Variants in ITPR2 observed in about 807,000 individuals in gnomAD.
The protein encoded by ITPR2 is inositol 1,4,5-trisphosphate-gated calcium channel ITPR2.
Under a neutral mutation model 317.1 loss-of-function variants are expected in ITPR2, and 207 were observed. The observed-to-expected ratio is 0.65, with a 90% confidence interval of 0.58 to 0.73. The LOEUF (loss-of-function observed/expected upper bound fraction) is 0.73. ITPR2 is among the 30% of genes least tolerant of loss of function. The pLI is 0.00. For synonymous variants in ITPR2, 1,156 were observed against 1,149.1 expected (o/e 1.01, Z -0.12); for missense variants, 2,613 against 3,284.0 (o/e 0.80, Z 4.99).
intron 37 of ITPR2, among the ~76,000 whole-genome samples, chr12:26,518,778 A>G (rs909668513): frequency 4.6e-5 from 7 of 152,144 alleles, no homozygotes; most frequent in African/African-American, 9.7e-5. Flanking sequence ...GAGAAAATTA[A>G]CCAGCAGAAA....
chr12:26,686,387 G>T, intron 11 of ITPR2, 94 bp downstream of exon 11: 1 of 759,926 alleles, frequency 1.3e-6, no homozygotes, highest in Non-Finnish European at 1.9e-6. Context: ...TTGCTCCCTT[G>T]ATATCATAAA....
intron 9 of ITPR2, among the ~76,000 whole-genome samples, chr12:26,701,061 A>G (rs17479771): frequency 0.02 from 3,010 of 152,362 alleles, 34 homozygotes; most frequent in South Asian, 0.031. Context: ...GAGAGAATAC[A>G]GAGACCCATT....
intron 21 of ITPR2, among the ~76,000 whole-genome samples, chr12:26,636,076 G>A (rs977470490): frequency 1.3e-5 from 2 of 152,166 alleles, no homozygotes; most frequent in East Asian, 1.9e-4. Context: ...CTAGTTCTAC[G>A]TAGTACATAC....
intron 21 of ITPR2, among the ~76,000 whole-genome samples, chr12:26,653,349 A>C (rs1947299646): frequency 6.6e-6 from 1 of 150,734 alleles, no homozygotes; most frequent in Admixed American, 6.6e-5. Flanking sequence ...GGTTCAAGCA[A>C]TTCTACCTCA....
At chr12:26,457,425 G>A (rs1941919173) in intron 45 of ITPR2, among the ~76,000 whole-genome samples, 1 of 152,176 alleles carries the variant, frequency 6.6e-6, no homozygotes, top group South Asian at 2.1e-4. Context: ...GCCAACAGGA[G>A]AGTTGACTTT....
chr12:26,705,554 C>G (rs1473839135), intron 9 of ITPR2, among the ~76,000 whole-genome samples: 1 of 152,206 alleles, frequency 6.6e-6, no homozygotes. Flanking sequence ...AAATCTAACA[C>G]TGGTCAATCC....
intron 2 of ITPR2, among the ~76,000 whole-genome samples, chr12:26,756,893 A>ATCCT (rs1949531816): frequency 1.3e-5 from 2 of 152,340 alleles, no homozygotes; most frequent in African/African-American, 4.8e-5. Flanking sequence ...AGGCATTCTA[A>ATCCT]ATCACAGGAT....
intron 21 of ITPR2, among the ~76,000 whole-genome samples, chr12:26,651,846 T>C (rs1947263025): frequency 6.6e-6 from 1 of 152,062 alleles, no homozygotes; most frequent in African/African-American, 2.4e-5. Context: ...AGGAGTGGTA[T>C]GTCCATCGAT....
At chr12:26,375,744 T>A (rs940726947) in intron 55 of ITPR2, among the ~76,000 whole-genome samples, 1 of 152,238 alleles carries the variant, frequency 6.6e-6, no homozygotes, top group Non-Finnish European at 1.5e-5. Flanking sequence ...TCCAGCAACT[T>A]ACAAATCTTT....
intron 35 of ITPR2, 46 bp from the exon 36 acceptor site, chr12:26,556,421 A>C (rs1269097267): frequency 6.4e-7 from 1 of 1,573,552 alleles, no homozygotes; most frequent in Admixed American, 1.9e-5. Context: ...CGTAAGTCAG[A>C]TTTCATCTTT....
intron 1 of ITPR2, among the ~76,000 whole-genome samples, chr12:26,800,411 T>A (rs562192861): frequency 6.6e-6 from 1 of 152,336 alleles, no homozygotes; most frequent in South Asian, 2.1e-4. Context: ...TATTATGAAA[T>A]GTTTAAAGAA....
At chr12:26,796,290 C>G (rs959390949) in intron 1 of ITPR2, among the ~76,000 whole-genome samples, 5 of 152,046 alleles carry the variant, frequency 3.3e-5, no homozygotes, top group African/African-American at 1.2e-4. Context: ...GACAACCAAA[C>G]AGAAAAATGC....
At chr12:26,636,237 C>T (rs1946862710) in intron 21 of ITPR2, among the ~76,000 whole-genome samples, 1 of 152,310 alleles carries the variant, frequency 6.6e-6, no homozygotes, top group South Asian at 2.1e-4. Flanking sequence ...CCTCTTCTGG[C>T]CACCCTCTCT....
intron 1 of ITPR2, among the ~76,000 whole-genome samples, chr12:26,813,779 A>G (rs1337636165): frequency 6.6e-6 from 1 of 152,228 alleles, no homozygotes; most frequent in African/African-American, 2.4e-5. Context: ...GTCCTAAAAT[A>G]AAGCCCCAGA....
intron 41 of ITPR2, among the ~76,000 whole-genome samples, chr12:26,485,105 T>G (rs894058622): frequency 6.6e-6 from 1 of 151,522 alleles, no homozygotes; most frequent in Non-Finnish European, 1.5e-5. Flanking sequence ...AGAAAAAACC[T>G]GGGCCCTGAC....
intron 48 of ITPR2, among the ~76,000 whole-genome samples, chr12:26,430,997 A>T (rs1288553259): frequency 2.0e-5 from 3 of 151,916 alleles, no homozygotes; most frequent in African/African-American, 7.3e-5. Flanking sequence ...ATTGTGCCTT[A>T]TTCATTTCTT....
chr12:26,390,329 C>T (rs1939794668), intron 54 of ITPR2, among the ~76,000 whole-genome samples: 1 of 152,088 alleles, frequency 6.6e-6, no homozygotes, highest in African/African-American at 2.4e-5. Flanking sequence ...CAGCATTATT[C>T]ATAATAGCTA....
At chr12:26,770,395 C>CT (rs1949818176) in intron 2 of ITPR2, among the ~76,000 whole-genome samples, 10 of 152,306 alleles carry the variant, frequency 6.6e-5, no homozygotes, top group Admixed American at 4.6e-4. Context: ...GCCAGAAATG[C>CT]CTCTTTCTCC....
At chr12:26,778,270 T>C (rs754381322) in intron 2 of ITPR2, among the ~76,000 whole-genome samples, 19 of 152,240 alleles carry the variant, frequency 1.2e-4, no homozygotes, top group South Asian at 4.1e-4. Context: ...CCTGGAGGGA[T>C]TGCGGAGATT....
Sources: allele counts gnomAD v4.1 joint callset (sites outside exome capture counted in the v4.1 genomes callset), GRCh38; gene constraint gnomAD v4.1.1; transcripts MANE v1.5; gene names NCBI Gene and HGNC (gene_info 2026-07-23, HGNC 2026-07-21).